CLSTN3: variants seen among roughly 807,000 people sequenced by gnomAD.
CLSTN3 encodes calsyntenin 3.
CLSTN3 carries 36 observed loss-of-function variants against 95.9 expected under a neutral mutation model. The ratio of observed to expected loss-of-function variants is 0.38; its 90% CI spans 0.29 to 0.50. CLSTN3 has a LOEUF of 0.50. CLSTN3 is among the 20% of genes least tolerant of loss of function. The pLI, the probability that CLSTN3 is intolerant of heterozygous loss-of-function variation, is 0.95. For synonymous variants in CLSTN3, 481 were observed against 504.0 expected (o/e 0.95, Z 0.61); for missense variants, 1,084 against 1,268.8 (o/e 0.85, Z 2.21).
rs1939557333 is a variant in CLSTN3, at chr12:7,142,977, G to A, written c.1649G>A (p.Arg550Gln). ...GTCATCGAGTGCCTCTATGCATGTC[G>A]GGAGGGGCTGGACTATAGGGATTTC... ...REVIECLYACREGLDYRDFES... is the reference protein window; with the variant it reads ...REVIECLYACQEGLDYRDFES... Residue 550 changes from arginine to glutamine, a missense_variant, in exon 11 of 18, where the codon CGG (arginine) becomes CAG (glutamine). Physicochemically the swap from Arg to Gln is conservative, Grantham distance 43. Transcript: ENST00000266546. 10 of 1,613,992 alleles carry A rather than the reference G, an allele frequency of 6.2e-6. No homozygotes were observed. The highest frequency in any genetic ancestry group is 1.7e-5 in the Admixed American group (1 of 60,006).
chr12:7,133,501 C>A lies in CLSTN3; in HGVS notation c.188-72C>A. 6.8e-7 allele frequency: 1 copy of A among 1,473,958 alleles called. No individual in the cohort carries two copies. Among genetic ancestry groups the A allele is most frequent in the Non-Finnish European group, 9.4e-7 (1 of 1,059,708 alleles). The allele number at this position is 1,473,958 out of a possible 1,614,324, so 91.3% of individuals were successfully genotyped here. Reference sequence around the variant, plus strand: ...CTTTGGGAGGAGAGGTGGAGCTGGACCCCAGGTGGGGAGACTGAGGGTGGG... The same window carrying A: ...CTTTGGGAGGAGAGGTGGAGCTGGAACCCAGGTGGGGAGACTGAGGGTGGG... On this transcript the variant is annotated intron_variant, in intron 2 of 17. Coordinates refer to ENST00000266546, the MANE Select transcript of CLSTN3 (RefSeq NM_014718.4). This position sits in a 1 kb window ranked among gnomAD's most constrained non-coding sequence, Gnocchi z 4.7.
At chr12:7,156,876 G>A (rs1939826459) in intron 16 of CLSTN3, 4 of 454,476 alleles carry the variant, frequency 8.8e-6, no homozygotes, top group South Asian at 1.6e-5. Flanking sequence ...CAGACGTCCC[G>A]GAGCCCCAAG....
rs749309284 is a variant in CLSTN3 at position 7,142,958 on chromosome 12, G to A, written c.1630G>A (p.Glu544Lys). 38 of 1,614,120 alleles carry A rather than the reference G, an allele frequency of 2.4e-5. No individual in the cohort carries two copies. The highest frequency in any genetic ancestry group is 2.3e-5 in the Non-Finnish European group (27 of 1,180,026). ...SGRLESREVI[E>K]CLYACREGLD... ...TCGCCTGGAGAGCCGCGAGGTCATC[G>A]AGTGCCTCTATGCATGTCGGGAGGG... Residue 544 changes from glutamate (E) to lysine (K), a missense_variant, in exon 11 of 18, where the codon GAG (glutamate) becomes AAG (lysine). By Grantham distance (56) the Glu-to-Lys change is moderately conservative. Transcript: ENST00000266546.
At chr12:7,151,243 T>C in intron 16 of CLSTN3, 180 bp downstream of exon 16, 2 of 594,972 alleles carry the variant, frequency 3.4e-6, no homozygotes, top group Non-Finnish European at 5.4e-6. Flanking sequence ...CTTTGGATCA[T>C]TCACTTTCCC....
chr12:7,157,341 C>T lies in CLSTN3; in HGVS notation c.2528-148C>T, dbSNP rs964501870. On this transcript the variant is annotated intron_variant, in intron 16 of 17. Coordinates refer to ENST00000266546, the MANE Select transcript of CLSTN3 (RefSeq NM_014718.4). This position sits in a 1 kb window ranked among gnomAD's most constrained non-coding sequence, Gnocchi z 5.9. ...TGGTGGGCTGTTTCTCTTCTGGCTT[C>T]TCCAGGTGTTCCTCTCTTCTCGGCC... is the stretch of plus-strand genomic sequence containing the variant. The T allele has an allele frequency of 1.1e-5, 7 of 647,996 alleles. No individual in the cohort carries two copies. The highest frequency in any genetic ancestry group is 4.3e-4 in the Middle Eastern group (1 of 2,324). The allele number at this position is 647,996 out of a possible 1,614,324, so 40.1% of individuals were successfully genotyped here.
At chr12:7,148,561 C>T (rs758143533) in intron 12 of CLSTN3, among the ~76,000 whole-genome samples, 11 of 152,224 alleles carry the variant, frequency 7.2e-5, no homozygotes, top group Admixed American at 1.3e-4. Flanking sequence ...GCATATGTGC[C>T]GGATAGTATA....
In CLSTN3 at chr12:7,158,560, G is replaced by A. The variant is rs944032130; in HGVS notation, c.*479G>A. On this transcript the variant is annotated 3_prime_UTR_variant, in exon 18 of 18. Transcript: ENST00000266546. ...CATCGTCCCTGCTTCTCTTATGATC[G>A]CCCCACCTCATTTCCATTTCAGTCT... 7.9e-4 allele frequency: 121 copies of A among 152,700 alleles called. No homozygotes were observed. Among genetic ancestry groups the A allele is most frequent in the Non-Finnish European group, 1.3e-3 (91 of 68,554 alleles). The allele number at this position is 152,700 out of a possible 1,614,324, so 9.5% of individuals were successfully genotyped here. A position where few individuals can be genotyped will look rare whatever the true frequency, so the allele number is the denominator to read the frequency against.
rs761267181 is a variant in CLSTN3 at position 7,157,473 on chromosome 12, C to T, written c.2528-16C>T. The stretch of plus-strand genomic sequence containing the variant: ...TGCCTAGTCACGCTCTGCTCACCCC[C>T]GCGCTCTCTCTGCAGTGATACCCAG... On this transcript the variant is annotated splice_polypyrimidine_tract_variant and intron_variant, in intron 16 of 17. Transcript: ENST00000266546. This position sits in a 1 kb window ranked among gnomAD's most constrained non-coding sequence, Gnocchi z 5.9. 1.9e-5 allele frequency: 30 copies of T among 1,553,300 alleles called. No homozygotes were observed. Among genetic ancestry groups the T allele is most frequent in the South Asian group, 4.9e-5 (4 of 81,726 alleles).
chr12:7,136,017 C>T (rs1939407378), intron 5 of CLSTN3, 64 bp downstream of exon 5: 4 of 1,547,650 alleles, frequency 2.6e-6, no homozygotes, highest in Non-Finnish European at 3.5e-6. Flanking sequence ...TCTTTCTGTC[C>T]TTTCTGACAA....
intron 8 of CLSTN3, chr12:7,138,856 A>G (rs1464817651): frequency 1.1e-4 from 14 of 127,924 alleles, no homozygotes; most frequent in Non-Finnish European, 1.8e-4. Flanking sequence ...AAAAAAAAAA[A>G]GCATTAGAAG....
chr12:7,142,718 CTT>C (rs373132235), intron 10 of CLSTN3, 149 bp from the exon 11 acceptor site: 8,364 of 298,784 alleles, frequency 0.028, no homozygotes, highest in South Asian at 0.048. Context: ...CTCTTTTTTC[CTT>C]TTTTTTTTTT....
In CLSTN3 at chr12:7,157,626, G is replaced by T. The variant is rs1162401595; in HGVS notation, c.2665G>T (p.Asp889Tyr). 44 of 1,609,882 alleles carry T rather than the reference G, an allele frequency of 2.7e-5. No homozygotes were observed. Among genetic ancestry groups the T allele is most frequent in the Non-Finnish European group, 3.4e-5 (40 of 1,178,272 alleles). The change falls in exon 17 of 18, where the codon GAC becomes TAC. Residue 889 changes from aspartate (D) to tyrosine (Y), a missense_variant. Asp to Tyr is a radical substitution (Grantham distance 160). Coordinates refer to ENST00000266546, the MANE Select transcript of CLSTN3 (RefSeq NM_014718.4). This position sits in a 1 kb window ranked among gnomAD's most constrained non-coding sequence, Gnocchi z 5.9. ...CGGCGGGCCTCCAGGGGCCTCCAGT[G>T]ACCCCAAGGACCCAGACCTCTTCTG... is the stretch of plus-strand genomic sequence containing the variant. ...GAGGPPGASSDPKDPDLFWDD... is the reference protein window; with the variant it reads ...GAGGPPGASSYPKDPDLFWDD...
rs774579276 is a variant in CLSTN3 at position 7,136,213 on chromosome 12, C to A, written c.750C>A (p.Asn250Lys). 2 of 1,613,738 alleles carry A rather than the reference C, an allele frequency of 1.2e-6. No individual in the cohort carries two copies. Among genetic ancestry groups the A allele is most frequent in the Non-Finnish European group, 1.7e-6 (2 of 1,179,762 alleles). ...PTCKPSWQGWNKRIEYAPGAG... is the reference protein window; with the variant it reads ...PTCKPSWQGWKKRIEYAPGAG... ...TCTGTCTCACCCATGCAGGCTGGAA[C>A]AAAAGGATCGAATATGCACCAGGTG... The change falls in exon 6 of 18, where the codon AAC becomes AAA. Residue 250 changes from asparagine to lysine, a missense_variant. Coordinates refer to ENST00000266546, the MANE Select transcript of CLSTN3 (RefSeq NM_014718.4).
chr12:7,155,937 G>A lies in CLSTN3; in HGVS notation c.2528-1552G>A, dbSNP rs749607178. 2.9e-4 allele frequency: 80 copies of A among 273,600 alleles called. 1 individual carries two copies. The Middle Eastern group carries it at 0.012, about 41-fold the overall frequency. 16.9% of individuals were successfully genotyped at this position (273,600 alleles called of 1,614,324 possible). A position where few individuals can be genotyped will look rare whatever the true frequency, so the allele number is the denominator to read the frequency against. Reference sequence around the variant, plus strand: ...TGTGCTGGCTGCTGGGGAGAGGGGCGCTGCAGCAGGGTGTGGGTGTGAGTG... The same window carrying A: ...TGTGCTGGCTGCTGGGGAGAGGGGCACTGCAGCAGGGTGTGGGTGTGAGTG... On this transcript the variant is annotated intron_variant, in intron 16 of 17. Coordinates refer to ENST00000266546, the MANE Select transcript of CLSTN3 (RefSeq NM_014718.4).
chr12:7,155,948 G>GT, intron 16 of CLSTN3: 1 of 303,078 alleles, frequency 3.3e-6, no homozygotes, highest in Non-Finnish European at 6.4e-6. Context: ...CTGCAGCAGG[G>GT]TGTGGGTGTG....
chr12:7,150,532 C>G lies in CLSTN3; in HGVS notation c.2246-12C>G. The G allele has an allele frequency of 6.2e-7, 1 of 1,604,366 alleles. No individual in the cohort carries two copies. Among genetic ancestry groups the G allele is most frequent in the Non-Finnish European group, 8.5e-7 (1 of 1,172,594 alleles). Reference sequence around the variant, plus strand: ...CACTGGCCCCTGCCCTGAGGTGCTTCCTCATCTCCAGGGGTGGAGAGCATC... The same window carrying G: ...CACTGGCCCCTGCCCTGAGGTGCTTGCTCATCTCCAGGGGTGGAGAGCATC... On this transcript the variant is annotated splice_polypyrimidine_tract_variant and intron_variant, in intron 14 of 17. Transcript: ENST00000266546. The surrounding 1 kb of genome is among the most constrained non-coding windows in gnomAD (Gnocchi z 4.0).
intron 12 of CLSTN3, among the ~76,000 whole-genome samples, chr12:7,148,199 A>G (rs754217217): frequency 3.0e-5 from 4 of 134,666 alleles, no homozygotes; most frequent in African/African-American, 1.2e-4. Context: ...AAAGAAAGAA[A>G]GAAAGAAAGA....
Position 7,133,557 on chromosome 12 carries a change from T to C in CLSTN3, c.188-16T>C, listed in dbSNP as rs747418543. ...AGACACAGCAGCCTCACTCCTCCCC[T>C]TCTCCCCTTTGCCAGGTGAGATCTG... On this transcript the variant is annotated splice_polypyrimidine_tract_variant and intron_variant, in intron 2 of 17. Coordinates refer to ENST00000266546, the MANE Select transcript of CLSTN3 (RefSeq NM_014718.4). The surrounding 1 kb of genome is among the most constrained non-coding windows in gnomAD (Gnocchi z 4.7). 2 of 1,613,324 alleles carry C rather than the reference T, an allele frequency of 1.2e-6. No individual in the cohort carries two copies. Among genetic ancestry groups the C allele is most frequent in the South Asian group, 2.2e-5 (2 of 91,038 alleles).
In CLSTN3 at chr12:7,130,708, C is replaced by T; in HGVS notation, c.60C>T (p.Asn20=). 2 of 1,559,276 alleles carry T rather than the reference C, an allele frequency of 1.3e-6. No individual in the cohort carries two copies. Among genetic ancestry groups the T allele is most frequent in the Non-Finnish European group, 1.7e-6 (2 of 1,150,828 alleles). Residue 20 remains asparagine (N), a synonymous_variant, in exon 1 of 18, where the codon AAC becomes AAT. Transcript: ENST00000266546. ...CTCTGCTCGCGTCCTGCTCCTGTAA[C>T]AAAGGTGAGTGAGGTGGGGGTGGGG... is the stretch of plus-strand genomic sequence containing the variant. ...LASLLASCSC[N]KANKHKPWIE...
Sources: gnomAD v4.1 joint callset for allele counts (sites outside exome capture counted in the v4.1 genomes callset) on GRCh38, gnomAD v4.1.1 for gene constraint, Gnocchi (gnomAD v3.1) non-coding constraint, MANE v1.5 for transcripts, NCBI Gene and HGNC (gene_info 2026-07-23, HGNC 2026-07-21) for gene names.